GALNT13: variants seen among roughly 807,000 people sequenced by gnomAD.
GALNT13 encodes the protein UDP-GalNAc:polypeptide N-acetylgalactosaminyltransferase 13.
In GALNT13, 28 loss-of-function variants were observed where a neutral mutation model predicts 64.2. The ratio of observed to expected loss-of-function variants is 0.44; its 90% CI spans 0.32 to 0.60. The LOEUF (loss-of-function observed/expected upper bound fraction) is 0.60, where lower values mean the gene tolerates loss of function less well. GALNT13 is among the 20% of genes least tolerant of loss of function. The pLI is 0.05. For synonymous variants in GALNT13, 214 were observed against 224.6 expected, an observed-to-expected ratio of 0.95 and a Z score of 0.42; for missense variants, 577 against 669.8, an observed-to-expected ratio of 0.86 and a Z score of 1.53.
chr2:153,281,030 A>G, the GALNT13 span, among the ~76,000 whole-genome samples: 2 of 152,134 alleles, frequency 1.3e-5, no homozygotes, highest in African/African-American at 4.8e-5. Flanking sequence ...CATTTTATGG[A>G]TCTGGGTGCT....
chr2:154,264,578 A>G (rs1452822240), intron 8 of GALNT13, among the ~76,000 whole-genome samples: 4 of 152,040 alleles, frequency 2.6e-5, no homozygotes, highest in African/African-American at 9.7e-5. Context: ...CAGAGGTTGC[A>G]GTGAGCCGAG....
At chr2:154,359,926 T>C (rs888121418) in intron 9 of GALNT13, among the ~76,000 whole-genome samples, 3 of 152,232 alleles carry the variant, frequency 2.0e-5, no homozygotes, top group Non-Finnish European at 4.4e-5. Flanking sequence ...GGCAATCTGT[T>C]AAGGTAGACT....
chr2:154,155,232 A>G (rs1684337523), intron 4 of GALNT13, among the ~76,000 whole-genome samples: 1 of 152,044 alleles, frequency 6.6e-6, no homozygotes, highest in Non-Finnish European at 1.5e-5. Context: ...CTTTATCTGT[A>G]TATTATTAAA....
At chr2:153,340,954 T>A in the GALNT13 span, among the ~76,000 whole-genome samples, 36 of 152,294 alleles carry the variant, frequency 2.4e-4, no homozygotes, top group Non-Finnish European at 4.4e-4. Flanking sequence ...AAATGCAAAT[T>A]CTTGGGTTCT....
At chr2:153,187,533 G>C in the GALNT13 span, 1 of 152,200 alleles carries the variant, frequency 6.6e-6, no homozygotes, top group African/African-American at 2.4e-5. Flanking sequence ...TTTTCACCAA[G>C]GTGTTCTTTT....
At chr2:154,045,003 A>G (rs1699205794) in intron 3 of GALNT13, among the ~76,000 whole-genome samples, 1 of 152,122 alleles carries the variant, frequency 6.6e-6, no homozygotes, top group Non-Finnish European at 1.5e-5. Context: ...AGTACCAGGG[A>G]AAAACAGAGG....
At chr2:154,260,985 T>C (rs1220335612) in intron 8 of GALNT13, among the ~76,000 whole-genome samples, 1 of 152,178 alleles carries the variant, frequency 6.6e-6, no homozygotes, top group Non-Finnish European at 1.5e-5. Flanking sequence ...TGTACTCCTC[T>C]TACTTTTATC....
chr2:153,918,785 T>TA (rs1444822025), intron 2 of GALNT13, among the ~76,000 whole-genome samples: 1 of 152,138 alleles, frequency 6.6e-6, no homozygotes, highest in African/African-American at 2.4e-5. Flanking sequence ...TCTTTCCCCT[T>TA]AAAACCAAAA....
chr2:153,673,553 G>A, the GALNT13 span, among the ~76,000 whole-genome samples: 2 of 152,026 alleles, frequency 1.3e-5, no homozygotes, highest in African/African-American at 2.4e-5. Flanking sequence ...TTGATAGAAC[G>A]TATCTCAAAA....
At chr2:153,075,031 C>A in the GALNT13 span, among the ~76,000 whole-genome samples, 1 of 152,108 alleles carries the variant, frequency 6.6e-6, no homozygotes, top group Admixed American at 6.6e-5. Context: ...CAGTGCCTGG[C>A]CTACAATATT....
At chr2:153,272,111 T>C in the GALNT13 span, among the ~76,000 whole-genome samples, 3 of 152,020 alleles carry the variant, frequency 2.0e-5, no homozygotes, top group Non-Finnish European at 4.4e-5. Flanking sequence ...TATACAAAAA[T>C]TAAGATGGAT....
At chr2:153,092,782 A>G in the GALNT13 span, among the ~76,000 whole-genome samples, 1 of 152,182 alleles carries the variant, frequency 6.6e-6, no homozygotes, top group Non-Finnish European at 1.5e-5. Context: ...CTGCAAAACA[A>G]AGATAATTTA....
intron 4 of GALNT13, among the ~76,000 whole-genome samples, chr2:154,208,884 G>T (rs1687618272): frequency 6.6e-6 from 1 of 152,000 alleles, no homozygotes; most frequent in Non-Finnish European, 1.5e-5. Context: ...GCACAAAGAA[G>T]TAGAAATTCT....
chr2:154,075,607 A>G (rs542259765), intron 3 of GALNT13, among the ~76,000 whole-genome samples: 2 of 151,892 alleles, frequency 1.3e-5, no homozygotes, highest in East Asian at 3.9e-4. Context: ...ACACTCTTCA[A>G]TTATAATTTT....
the GALNT13 span, among the ~76,000 whole-genome samples, chr2:153,330,362 T>C: frequency 2.0e-5 from 3 of 152,240 alleles, no homozygotes; most frequent in Non-Finnish European, 4.4e-5. Context: ...GTAGATTTCA[T>C]TGGGCAGTAT....
the GALNT13 span, among the ~76,000 whole-genome samples, chr2:153,653,895 C>T: frequency 6.6e-6 from 1 of 152,068 alleles, no homozygotes; most frequent in South Asian, 2.1e-4. Flanking sequence ...TTTTTAACAA[C>T]CCTTAACAAA....
At chr2:153,436,464 T>C in the GALNT13 span, among the ~76,000 whole-genome samples, 20 of 152,234 alleles carry the variant, frequency 1.3e-4, no homozygotes, top group South Asian at 3.5e-3. Flanking sequence ...GTCCTGGACT[T>C]TTTTTGGTTG....
At chr2:153,130,720 A>G in the GALNT13 span, among the ~76,000 whole-genome samples, 2 of 152,174 alleles carry the variant, frequency 1.3e-5, no homozygotes, top group African/African-American at 4.8e-5. Context: ...ACCCTACACA[A>G]AGATCCCTAG....
the GALNT13 span, among the ~76,000 whole-genome samples, chr2:153,119,837 G>C: frequency 1.3e-5 from 2 of 152,206 alleles, no homozygotes; most frequent in Non-Finnish European, 2.9e-5. Flanking sequence ...TTAAGCTTCA[G>C]TTGTGAACTG....
Sources: allele counts gnomAD v4.1 joint callset (sites outside exome capture counted in the v4.1 genomes callset), GRCh38; gene constraint gnomAD v4.1.1; transcripts MANE v1.5; gene names NCBI Gene and HGNC (gene_info 2026-07-23, HGNC 2026-07-21).